Variants in CTNNA3 observed in about 807,000 individuals in gnomAD.
The protein encoded by CTNNA3 is catenin alpha 3, also known as catenin alpha-3.
A neutral mutation model predicts 95.7 loss-of-function variants in CTNNA3; 76 were observed. That is an observed-to-expected ratio of 0.79 (90% CI 0.66 to 0.96). The LOEUF (loss-of-function observed/expected upper bound fraction) is 0.96. CTNNA3 is among the 40% of genes least tolerant of loss of function. The pLI is 0.00. For missense variants in CTNNA3, 1,191 were observed against 1,089.8 expected (o/e 1.09, Z -1.31); for synonymous variants, 431 against 374.4 (o/e 1.15, Z -1.74).
At chr10:66,736,780 G>A (rs543781575) in intron 9 of CTNNA3, among the ~76,000 whole-genome samples, 2 of 152,030 alleles carry the variant, frequency 1.3e-5, no homozygotes, top group South Asian at 2.1e-4. Context: ...TTCTTGCAGT[G>A]TTTTCAGAGA....
In CTNNA3 at chr10:65,982,711, G is replaced by GTA. The variant is rs144544149; in HGVS notation, c.2265+5979_2265+5980dup. ...TATATATATATGTGTGTGTGTGTGT[G>GTA]TATATATATATATTCATGTAACCAA... On this transcript the variant is annotated intron_variant, in intron 16 of 17. Coordinates refer to ENST00000433211, the MANE Select transcript of CTNNA3 (RefSeq NM_013266.4). 2.4e-3 allele frequency among the ~76,000 whole-genome samples: 349 copies of GTA among 148,270 alleles called. 2 individuals carry two copies. The highest frequency in any genetic ancestry group is 8.2e-3 in the African/African-American group (333 of 40,514).
At chr10:67,375,640 C>T (rs1363741255) in intron 5 of CTNNA3, among the ~76,000 whole-genome samples, 6 of 152,002 alleles carry the variant, frequency 3.9e-5, no homozygotes, top group Non-Finnish European at 5.9e-5. Flanking sequence ...GAGGACATCT[C>T]ACACAATAAT....
intron 9 of CTNNA3, among the ~76,000 whole-genome samples, chr10:66,750,960 G>T (rs959756803): frequency 1.3e-5 from 2 of 152,126 alleles, no homozygotes; most frequent in Non-Finnish European, 2.9e-5. Flanking sequence ...AGGTGTAAAT[G>T]ATAATATGTT....
At chr10:67,068,299 A>G (rs768194490) in intron 7 of CTNNA3, among the ~76,000 whole-genome samples, 5 of 152,186 alleles carry the variant, frequency 3.3e-5, no homozygotes, top group African/African-American at 9.7e-5. Flanking sequence ...TAAAACACAT[A>G]TAGATGGTGA....
chr10:67,580,081 G>T (rs1197935778), intron 3 of CTNNA3, among the ~76,000 whole-genome samples: 2 of 152,136 alleles, frequency 1.3e-5, no homozygotes, highest in African/African-American at 4.8e-5. Flanking sequence ...TGTCAATTTA[G>T]GCTTTTGTTG....
chr10:66,320,378 T>A (rs78960170), intron 12 of CTNNA3, among the ~76,000 whole-genome samples: 3 of 152,152 alleles, frequency 2.0e-5, no homozygotes, highest in African/African-American at 7.2e-5. Context: ...TTGATGTCTA[T>A]CTTGGCATTA....
intron 9 of CTNNA3, among the ~76,000 whole-genome samples, chr10:66,649,809 C>T (rs1443954702): frequency 6.6e-6 from 1 of 152,196 alleles, no homozygotes; most frequent in Non-Finnish European, 1.5e-5. Flanking sequence ...AACCAGACAT[C>T]ACAGATGTAG....
chr10:67,747,481 T>C (rs1377328373), intron 1 of CTNNA3, among the ~76,000 whole-genome samples: 1 of 152,110 alleles, frequency 6.6e-6, no homozygotes. Context: ...CCCAGGTGAA[T>C]AGGGCCTGAA....
intron 10 of CTNNA3, among the ~76,000 whole-genome samples, chr10:66,523,827 C>G (rs1025690770): frequency 6.6e-6 from 1 of 152,100 alleles, no homozygotes; most frequent in Non-Finnish European, 1.5e-5. Context: ...ACATTTCTTT[C>G]TCAAATGCCG....
At chr10:66,568,684 T>C (rs1242504867) in intron 10 of CTNNA3, among the ~76,000 whole-genome samples, 2 of 151,908 alleles carry the variant, frequency 1.3e-5, no homozygotes, top group Non-Finnish European at 2.9e-5. Flanking sequence ...TAGGGAGCAA[T>C]AGAACCAAAG....
chr10:66,135,199 C>T (rs187696294), intron 13 of CTNNA3, among the ~76,000 whole-genome samples: 2 of 151,924 alleles, frequency 1.3e-5, no homozygotes, highest in South Asian at 2.1e-4. Context: ...CACATAACAC[C>T]GAGGTTTTGA....
intron 11 of CTNNA3, among the ~76,000 whole-genome samples, chr10:66,403,210 G>T (rs2093033247): frequency 6.6e-6 from 1 of 152,128 alleles, no homozygotes; most frequent in Admixed American, 6.6e-5. Context: ...AAGGAGATCA[G>T]GATTTGAGCA....
At chr10:66,740,516 G>C (rs1271188711) in intron 9 of CTNNA3, among the ~76,000 whole-genome samples, 1 of 151,930 alleles carries the variant, frequency 6.6e-6, no homozygotes, top group East Asian at 1.9e-4. Flanking sequence ...AATTCTCTTT[G>C]GAATTAACAA....
At chr10:66,424,560 T>G (rs1335385778) in intron 11 of CTNNA3, among the ~76,000 whole-genome samples, 2 of 152,138 alleles carry the variant, frequency 1.3e-5, no homozygotes, top group African/African-American at 4.8e-5. Flanking sequence ...ATATTAGATA[T>G]TTATAAATAA....
chr10:66,192,228 C>G (rs1030915781), intron 13 of CTNNA3, among the ~76,000 whole-genome samples: 1 of 152,094 alleles, frequency 6.6e-6, no homozygotes, highest in African/African-American at 2.4e-5. Context: ...CACACACTCC[C>G]CCGCCAGCAG....
intron 13 of CTNNA3, among the ~76,000 whole-genome samples, chr10:66,144,608 C>T (rs1476285718): frequency 6.6e-6 from 1 of 152,062 alleles, no homozygotes; most frequent in African/African-American, 2.4e-5. Flanking sequence ...CTGCTTCAGC[C>T]TCCTGAGTAG....
At chr10:66,689,857 G>C (rs1222021333) in intron 9 of CTNNA3, among the ~76,000 whole-genome samples, 3 of 152,236 alleles carry the variant, frequency 2.0e-5, no homozygotes, top group Admixed American at 1.3e-4. Context: ...CAGTGCAGCT[G>C]GGATTTCACA....
intron 2 of CTNNA3, among the ~76,000 whole-genome samples, chr10:67,633,368 G>T (rs1021344671): frequency 6.6e-6 from 1 of 152,138 alleles, no homozygotes; most frequent in Non-Finnish European, 1.5e-5. Flanking sequence ...CCGCCCCAAC[G>T]CAGCATATCT....
At chr10:67,087,590 A>C (rs1857376251) in intron 7 of CTNNA3, among the ~76,000 whole-genome samples, 1 of 151,954 alleles carries the variant, frequency 6.6e-6, no homozygotes, top group Non-Finnish European at 1.5e-5. Flanking sequence ...AAATAGTTAA[A>C]ATCAAATAAA....
Sources: gnomAD v4.1 joint callset for allele counts (sites outside exome capture counted in the v4.1 genomes callset) on GRCh38, gnomAD v4.1.1 for gene constraint, MANE v1.5 for transcripts, NCBI Gene and HGNC (gene_info 2026-07-23, HGNC 2026-07-21) for gene names.